Variants in USH2A observed in about 807,000 individuals in gnomAD.
USH2A encodes the protein Usher syndrome 2A (autosomal recessive, mild).
In USH2A, 443 loss-of-function variants were observed where a neutral mutation model predicts 538.9. The ratio of observed to expected loss-of-function variants is 0.82; its 90% CI spans 0.76 to 0.89. The LOEUF is 0.89. USH2A is among the 40% of genes least tolerant of loss of function. The probability of loss-of-function intolerance (pLI) is 0.00; values close to 1 mark genes in which losing one functional copy is unlikely to be tolerated. For synonymous variants in USH2A, 2,413 were observed against 2,273.5 expected, an observed-to-expected ratio of 1.06 and a Z score of -1.75; for missense variants, 6,633 against 6,324.8, an observed-to-expected ratio of 1.05 and a Z score of -1.65.
chr1:216,383,553 T>C (rs1421358943), intron 3 of USH2A, among the ~76,000 whole-genome samples: 1 of 152,226 alleles, frequency 6.6e-6, no homozygotes. Flanking sequence ...AAAACTGGAA[T>C]GTGGGAAGAG....
intron 44 of USH2A, among the ~76,000 whole-genome samples, chr1:215,856,679 A>C (rs1200157259): frequency 6.6e-6 from 1 of 152,182 alleles, no homozygotes; most frequent in Admixed American, 6.5e-5. Context: ...CATTTGATTC[A>C]TCAATCCTAC....
intron 21 of USH2A, among the ~76,000 whole-genome samples, chr1:216,164,948 A>G (rs1490683445): frequency 1.3e-5 from 2 of 152,082 alleles, no homozygotes; most frequent in Admixed American, 1.3e-4. Flanking sequence ...ACACTGGGGG[A>G]ATGACTTGTG....
At chr1:216,046,100 G>C (rs1014275694) in intron 32 of USH2A, among the ~76,000 whole-genome samples, 2 of 148,548 alleles carry the variant, frequency 1.3e-5, no homozygotes, top group African/African-American at 4.9e-5. Context: ...ACCCTCTACT[G>C]ATACCAAAAT....
intron 51 of USH2A, among the ~76,000 whole-genome samples, chr1:215,789,456 T>C (rs1023947708): frequency 6.6e-5 from 10 of 152,184 alleles, no homozygotes; most frequent in Non-Finnish European, 1.3e-4. Flanking sequence ...CTTAAATTGA[T>C]AGGCTTCTGG....
chr1:216,410,428 A>G (rs1474293022), intron 3 of USH2A, among the ~76,000 whole-genome samples: 1 of 152,132 alleles, frequency 6.6e-6, no homozygotes, highest in African/African-American at 2.4e-5. Context: ...ACTGTTCACA[A>G]TAGCAAAGAT....
intron 52 of USH2A, among the ~76,000 whole-genome samples, chr1:215,785,932 TACACAC>T (rs10638003): frequency 0.038 from 5,509 of 146,484 alleles, 131 homozygotes; most frequent in Non-Finnish European, 0.056. Flanking sequence ...TGATAGATGA[TACACAC>T]ACACACACAC....
intron 40 of USH2A, among the ~76,000 whole-genome samples, chr1:215,890,965 G>A (rs990154675): frequency 1.3e-5 from 2 of 151,958 alleles, no homozygotes; most frequent in African/African-American, 2.4e-5. Context: ...TTTTTATTAG[G>A]GTTTTCATCT....
In USH2A at chr1:216,264,494, C is replaced by T. The variant is rs545587343; in HGVS notation, c.1972-13396G>A. Among the ~76,000 whole-genome samples, 212 of 152,182 alleles carry T rather than the reference C, an allele frequency of 1.4e-3. 1 individual carries two copies. The highest frequency in any genetic ancestry group is 4.4e-3 in the Admixed American group (67 of 15,278). On this transcript the variant is annotated intron_variant, in intron 11 of 71. Transcript: ENST00000307340. ...TGAATTTTTAGTAGAGACAGTCTTT[C>T]GCCATGTTGGTCAGGCTGGTCTCGA...
chr1:216,390,611 C>G (rs2039090030), intron 3 of USH2A, among the ~76,000 whole-genome samples: 1 of 152,110 alleles, frequency 6.6e-6, no homozygotes, highest in Admixed American at 6.5e-5. Context: ...GGCTAATATT[C>G]TTGAAATGGA....
intron 3 of USH2A, among the ~76,000 whole-genome samples, chr1:216,397,640 A>G (rs2039233678): frequency 6.6e-6 from 1 of 152,192 alleles, no homozygotes; most frequent in African/African-American, 2.4e-5. Context: ...TTTAGACATC[A>G]GACTCTAGGT....
chr1:216,230,372 G>A (rs1379036166), intron 14 of USH2A, among the ~76,000 whole-genome samples: 3 of 152,068 alleles, frequency 2.0e-5, no homozygotes, highest in African/African-American at 7.2e-5. Context: ...TCATTTAGAT[G>A]ATTTATAATA....
chr1:216,250,471 A>C (rs973663782), intron 12 of USH2A, among the ~76,000 whole-genome samples: 2 of 152,216 alleles, frequency 1.3e-5, no homozygotes, highest in Non-Finnish European at 2.9e-5. Context: ...TTTATCACAA[A>C]GGACCCTGTA....
intron 44 of USH2A, among the ~76,000 whole-genome samples, chr1:215,851,657 T>C (rs1664018904): frequency 1.3e-5 from 2 of 151,890 alleles, no homozygotes; most frequent in African/African-American, 4.8e-5. Flanking sequence ...CCAAAAGATA[T>C]AGAAAGAAGA....
chr1:216,070,520 T>C (rs544129146), intron 29 of USH2A, among the ~76,000 whole-genome samples: 1 of 152,276 alleles, frequency 6.6e-6, no homozygotes, highest in African/African-American at 2.4e-5. Flanking sequence ...TAACATTCTT[T>C]CAAGTCTAGT....
chr1:216,401,165 G>A (rs938425583), intron 3 of USH2A, among the ~76,000 whole-genome samples: 3 of 152,086 alleles, frequency 2.0e-5, no homozygotes, highest in African/African-American at 7.2e-5. Flanking sequence ...AAGGTAGAAT[G>A]AGTAAAGGAC....
At chr1:216,101,079 T>C (rs1377833663) in intron 21 of USH2A, among the ~76,000 whole-genome samples, 2 of 152,150 alleles carry the variant, frequency 1.3e-5, no homozygotes, top group African/African-American at 4.8e-5. Flanking sequence ...ACTGCCAAAA[T>C]AAATAATGAA....
At position 215,977,669 on chromosome 1, in the gene USH2A, C is replaced by T. The variant is rs550813986; in HGVS notation, c.6806-6893G>A. Among the ~76,000 whole-genome samples, 17 of 152,112 alleles carry T rather than the reference C, an allele frequency of 1.1e-4. No homozygotes were observed. In the South Asian group the frequency reaches 2.1e-3, roughly 19 times the overall value. On this transcript the variant is annotated intron_variant, in intron 35 of 71. Coordinates refer to ENST00000307340, the MANE Select transcript of USH2A (RefSeq NM_206933.4). ...CTGGGATTATAGGTGCCCGCCATCA[C>T]GCCCAACTAATTTTTGTGTTTTCAG... is the stretch of plus-strand genomic sequence containing the variant.
chr1:216,417,267 A>C (rs1030520674), intron 3 of USH2A, among the ~76,000 whole-genome samples: 1 of 116,122 alleles, frequency 8.6e-6, no homozygotes, highest in African/African-American at 5.0e-5. Flanking sequence ...TTCAAGATTA[A>C]AAAAAAAAAA....
At chr1:215,732,816 C>T (rs1217523216) in intron 60 of USH2A, among the ~76,000 whole-genome samples, 2 of 151,974 alleles carry the variant, frequency 1.3e-5, no homozygotes, top group African/African-American at 2.4e-5. Flanking sequence ...GCTGGGATTA[C>T]AGGTGTGAGC....
Sources: gnomAD v4.1 joint callset for allele counts (sites outside exome capture counted in the v4.1 genomes callset) on GRCh38, gnomAD v4.1.1 for gene constraint, MANE v1.5 for transcripts, NCBI Gene and HGNC (gene_info 2026-07-23, HGNC 2026-07-21) for gene names.